SMAP2: variants seen among roughly 807,000 people sequenced by gnomAD.
SMAP2 encodes small ArfGAP2, also known as stromal membrane-associated protein 2.
Under a neutral mutation model 56.4 loss-of-function variants are expected in SMAP2, and 25 were observed. The observed-to-expected ratio is 0.44, with a 90% confidence interval of 0.32 to 0.62. The LOEUF is 0.62. Ranked by LOEUF, SMAP2 falls within the 20% of genes least tolerant of loss-of-function variation. SMAP2 has a pLI of 0.04. For synonymous variants in SMAP2, 157 were observed against 181.7 expected (o/e 0.86, Z 1.09); for missense variants, 388 against 545.6 (o/e 0.71, Z 2.88).
At chr1:40,357,438 GA>G (rs1644441051) in intron 1 of SMAP2, among the ~76,000 whole-genome samples, 1 of 151,070 alleles carries the variant, frequency 6.6e-6, no homozygotes, top group South Asian at 2.1e-4. Context: ...CTGGGCCACA[GA>G]GCGAGATTCT....
upstream of SMAP2, among the ~76,000 whole-genome samples, chr1:40,373,106 G>A (rs893897970): frequency 5.3e-5 from 8 of 152,196 alleles, no homozygotes; most frequent in Non-Finnish European, 1.0e-4. Flanking sequence ...TCGCTGTTTT[G>A]TGAGAATTTA....
rs1276682845 is a variant in SMAP2, at chr1:40,422,149, C to G, written c.*48C>G. On this transcript the variant is annotated 3_prime_UTR_variant, in exon 10 of 10. Coordinates refer to ENST00000372718, the MANE Select transcript of SMAP2 (RefSeq NM_022733.3). ...CCATTCTCTTCAGCCCTCGCTCTCC[C>G]CTTTCCACAGCCTCCACCCCTGACC... 6.2e-7 allele frequency: 1 copy of G among 1,607,834 alleles called. No homozygotes were observed. Among genetic ancestry groups the G allele is most frequent in the African/African-American group, 1.3e-5 (1 of 74,842 alleles).
Position 40,374,069 on chromosome 1 carries a change from C to G in SMAP2, c.-52C>G. On this transcript the variant is annotated 5_prime_UTR_variant, in exon 1 of 10. Transcript: ENST00000372718. This position sits in a 1 kb window ranked among gnomAD's most constrained non-coding sequence, Gnocchi z 5.9. ...CTCAACCCCGGACTGAGGCAGGGGT[C>G]TCTGGGGGCGAGGAGGGCGCGTCGC... is the stretch of plus-strand genomic sequence containing the variant. The G allele has an allele frequency of 6.9e-7, 1 of 1,442,406 alleles. No homozygotes were observed. Among genetic ancestry groups the G allele is most frequent in the Admixed American group, 1.9e-5 (1 of 53,744 alleles). 89.4% of individuals were successfully genotyped at this position (1,442,406 alleles called of 1,614,324 possible).
chr1:40,356,458 T>C (rs1390424209), intron 1 of SMAP2, among the ~76,000 whole-genome samples: 1 of 151,088 alleles, frequency 6.6e-6, no homozygotes, highest in African/African-American at 2.4e-5. Context: ...TCGCCTAGGC[T>C]GGAGTGCAGT....
rs562348065 is a variant in SMAP2 at position 40,384,670 on chromosome 1, G to A, written c.103+10447G>A. On this transcript the variant is annotated intron_variant, in intron 1 of 9. Transcript: ENST00000372718. ...CAGAGGCCACAGATAAAGGACTCTC[G>A]TTGTTTGAGTGAAGTTACCAACTGT... Among the ~76,000 whole-genome samples, 28 of 152,304 alleles carry A rather than the reference G, an allele frequency of 1.8e-4. No individual in the cohort carries two copies. The South Asian group carries it at 4.1e-3, about 23-fold the overall frequency.
At chr1:40,409,652 G>T (rs1644916555) in intron 3 of SMAP2, 105 bp from the exon 4 acceptor site, 1 of 772,802 alleles carries the variant, frequency 1.3e-6, no homozygotes, top group East Asian at 2.7e-5. Flanking sequence ...GGGAAACCAG[G>T]CAAGAGGGAA....
At chr1:40,394,357 C>CCA (rs1644748947) in intron 1 of SMAP2, among the ~76,000 whole-genome samples, 1 of 152,192 alleles carries the variant, frequency 6.6e-6, no homozygotes, top group South Asian at 2.1e-4. Flanking sequence ...TTACGGGGAT[C>CCA]CACTTTTGCT....
In SMAP2 at chr1:40,408,467, A is replaced by C. The variant is rs568346713; in HGVS notation, c.238-186A>C. Among the ~76,000 whole-genome samples the C allele has an allele frequency of 6.6e-6, 1 of 152,212 alleles. No individual in the cohort carries two copies. The highest frequency in any genetic ancestry group is 2.4e-5 in the African/African-American group (1 of 41,462). ...GTGGGGGAAAGACAGCTTGGGGCAA[A>C]TGATTGGGAAATCCTAGTAAGGTAG... On this transcript the variant is annotated intron_variant, in intron 2 of 9. Coordinates refer to ENST00000372718, the MANE Select transcript of SMAP2 (RefSeq NM_022733.3). The surrounding 1 kb of genome is among the most constrained non-coding windows in gnomAD (Gnocchi z 4.3).
At chr1:40,399,101 G>A (rs1644801915) in intron 1 of SMAP2, among the ~76,000 whole-genome samples, 1 of 152,080 alleles carries the variant, frequency 6.6e-6, no homozygotes, top group African/African-American at 2.4e-5. Flanking sequence ...ACCAGCCTGA[G>A]CAACATAGTG....
At position 40,406,809 on chromosome 1, in the gene SMAP2, G is replaced by A. The variant is rs1281505429; in HGVS notation, c.177G>A (p.Gly59=). 4.3e-6 allele frequency: 7 copies of A among 1,614,024 alleles called. No individual in the cohort carries two copies. Among genetic ancestry groups the A allele is most frequent in the East Asian group, 4.5e-5 (2 of 44,872 alleles). Reference sequence around the variant, plus strand: ...GTGCTGGAATCCACAGGAATCTGGGGGTGCACATATCCAGGGTAAAGTCAG... The same window carrying A: ...GTGCTGGAATCCACAGGAATCTGGGAGTGCACATATCCAGGGTAAAGTCAG... ...IRCAGIHRNL[G]VHISRVKSVN... is the part of the protein sequence containing the mutation. The change falls in exon 2 of 10, where the codon GGG becomes GGA. Residue 59 remains glycine (G), a synonymous_variant. Transcript: ENST00000372718.
chr1:40,393,321 A>G, intron 1 of SMAP2: 2 of 1,522,866 alleles, frequency 1.3e-6, no homozygotes, highest in South Asian at 2.4e-5. Context: ...AAGAACAAAC[A>G]AAAAACCCAA....
chr1:40,412,753 G>A (rs1246765097), intron 4 of SMAP2, among the ~76,000 whole-genome samples: 1 of 152,130 alleles, frequency 6.6e-6, no homozygotes, highest in Admixed American at 6.5e-5. Flanking sequence ...ACATAGCCTC[G>A]ACTGCAAATG....
At chr1:40,399,772 T>TA (rs35117696) in intron 1 of SMAP2, among the ~76,000 whole-genome samples, 16,296 of 150,676 alleles carry the variant, frequency 0.11, 906 homozygotes, top group East Asian at 0.17. Flanking sequence ...TCATAACCTT[T>TA]AAAAAAAAAG....
chr1:40,372,504 G>T (rs772116348), upstream of SMAP2, among the ~76,000 whole-genome samples: 4 of 152,102 alleles, frequency 2.6e-5, no homozygotes, highest in Non-Finnish European at 5.9e-5. Flanking sequence ...TACTTGGATG[G>T]GTTTTCTGAG....
At chr1:40,388,957 A>T (rs756563344) in intron 1 of SMAP2, among the ~76,000 whole-genome samples, 3 of 151,766 alleles carry the variant, frequency 2.0e-5, no homozygotes, top group Non-Finnish European at 4.4e-5. Flanking sequence ...TTTAACACTC[A>T]CCGCGAGGGT....
intron 1 of SMAP2, among the ~76,000 whole-genome samples, chr1:40,346,412 C>T (rs376463146): frequency 5.3e-4 from 81 of 151,912 alleles, no homozygotes; most frequent in African/African-American, 1.8e-3. Flanking sequence ...CTTTGTTGCC[C>T]GGACTGGAGT....
At chr1:40,382,591 C>G (rs929403552) in intron 1 of SMAP2, among the ~76,000 whole-genome samples, 5 of 152,108 alleles carry the variant, frequency 3.3e-5, no homozygotes, top group Non-Finnish European at 7.3e-5. Context: ...TGTATTGGCC[C>G]CTGGAATGTG....
At chr1:40,419,847 GC>G (rs1645025563) in intron 9 of SMAP2, among the ~76,000 whole-genome samples, 1 of 152,182 alleles carries the variant, frequency 6.6e-6, no homozygotes, top group South Asian at 2.1e-4. Context: ...CTGCACATGT[GC>G]ATGTATAGCT....
chr1:40,351,132 A>G (rs209591), intron 1 of SMAP2, among the ~76,000 whole-genome samples: 127,065 of 152,078 alleles, frequency 0.84, 53,703 homozygotes, highest in East Asian at 0.96. Context: ...CTTCTGGAGC[A>G]CCCCAGCTTT....
Sources: allele counts gnomAD v4.1 joint callset (sites outside exome capture counted in the v4.1 genomes callset), GRCh38; gene constraint gnomAD v4.1.1; non-coding constraint Gnocchi (gnomAD v3.1); transcripts MANE v1.5; gene names NCBI Gene and HGNC (gene_info 2026-07-23, HGNC 2026-07-21).